The following KANK1 variants were observed in gnomAD, a reference collection of about 807,000 sequenced individuals.
KANK1 encodes the protein KN motif and ankyrin repeat domains 1, also known as KN motif and ankyrin repeat domain-containing protein 1.
KANK1 carries 109 observed loss-of-function variants against 106.2 expected under a neutral mutation model. The observed-to-expected ratio is 1.03, with a 90% CI of 0.88 to 1.20. The LOEUF (loss-of-function observed/expected upper bound fraction) is 1.20. Among genes scored for constraint, KANK1 ranks in the 50% most tolerant of loss-of-function variants. The probability of loss-of-function intolerance (pLI) is 0.00; values close to 1 mark genes in which losing one functional copy is unlikely to be tolerated. For synonymous variants in KANK1, 873 were observed against 652.2 expected, an observed-to-expected ratio of 1.34 and a Z score of -5.16; for missense variants, 2,399 against 1,710.7, an observed-to-expected ratio of 1.40 and a Z score of -7.10.
At position 528,150 on chromosome 9, in the gene KANK1, A is replaced by C. The variant is rs1587529096; in HGVS notation, c.-84+23396A>C. On this transcript the variant is annotated intron_variant, in intron 1 of 11. Coordinates refer to ENST00000382297, the MANE Select transcript of KANK1 (RefSeq NM_015158.5). ...AGACTCCGTCTCGGGAAAAAAAAAAAAAAAACTTTTTAGGATTTTTCTTTT... is the reference window on the plus strand; with the variant it reads ...AGACTCCGTCTCGGGAAAAAAAAAACAAAAACTTTTTAGGATTTTTCTTTT... Among the ~76,000 whole-genome samples, 6 of 152,118 alleles carry C rather than the reference A, an allele frequency of 3.9e-5. No individual in the cohort carries two copies. The South Asian group carries it at 1.2e-3, about 32-fold the overall frequency.
chr9:487,470 A>G lies in KANK1; in HGVS notation c.-362+14197A>G, dbSNP rs1236773338. On this transcript the variant is annotated intron_variant, in intron 3 of 15. Transcript: ENST00000382303. ...GATGTAAGTGCATTTTCAACTCACA[A>G]TGTTTTCCATTTACAGTGGGTTCAT... Among the ~76,000 whole-genome samples, 5 of 152,300 alleles carry G rather than the reference A, an allele frequency of 3.3e-5. No homozygotes were observed. In the South Asian group the frequency reaches 8.3e-4, roughly 25 times the overall value.
At chr9:684,376 C>A in intron 2 of KANK1, 1 of 985,230 alleles carries the variant, frequency 1.0e-6, no homozygotes, top group African/African-American at 1.7e-5. Context: ...TGCCTGGTAC[C>A]AACTTTATAG....
intron 1 of KANK1, among the ~76,000 whole-genome samples, chr9:585,586 T>C (rs535645726): frequency 7.9e-5 from 12 of 152,322 alleles, no homozygotes; most frequent in Admixed American, 2.0e-4. Context: ...CACACTGAAG[T>C]AAAAAGCTTA....
Position 527,082 on chromosome 9 carries a change from A to G in KANK1, c.-84+22328A>G, listed in dbSNP as rs1397433009. On this transcript the variant is annotated intron_variant, in intron 1 of 11. Transcript: ENST00000382297. ...ATTGTTTTGAGTGCTTGTTTTAAGT[A>G]CCTGTCACTGACTCATTCCCAAACT... Among the ~76,000 whole-genome samples the G allele has an allele frequency of 2.0e-5, 3 of 151,652 alleles. 1 individual carries two copies. The highest frequency in any genetic ancestry group is 7.3e-5 in the African/African-American group (3 of 41,006).
chr9:716,198 A>T (rs969864896), intron 3 of KANK1, among the ~76,000 whole-genome samples: 2 of 152,230 alleles, frequency 1.3e-5, no homozygotes, highest in African/African-American at 4.8e-5. Flanking sequence ...CTCTGAAGCT[A>T]GACAGTGTGG....
chr9:560,470 G>A (rs564384969), intron 1 of KANK1, among the ~76,000 whole-genome samples: 2 of 152,254 alleles, frequency 1.3e-5, no homozygotes, highest in Admixed American at 1.3e-4. Context: ...GAGGGTTGAG[G>A]GTACAGGAAT....
chr9:740,464 C>T (rs903084798), intron 8 of KANK1, among the ~76,000 whole-genome samples: 1 of 152,140 alleles, frequency 6.6e-6, no homozygotes, highest in Non-Finnish European at 1.5e-5. Context: ...GCCTAGATTC[C>T]AAAAATCGTT....
At chr9:478,132 A>C (rs749008129) in intron 3 of KANK1, 1 of 211,810 alleles carries the variant, frequency 4.7e-6, no homozygotes, top group Non-Finnish European at 9.5e-6. Flanking sequence ...GACAGAAAGA[A>C]GCAAAACAAT....
At chr9:684,108 C>A (rs1173704625) in intron 2 of KANK1, 3 of 950,384 alleles carry the variant, frequency 3.2e-6, no homozygotes, top group Non-Finnish European at 3.8e-6. Flanking sequence ...CTCATCAGAG[C>A]TTGCTTGTTT....
intron 1 of KANK1, among the ~76,000 whole-genome samples, chr9:605,967 T>C (rs1457402558): frequency 6.6e-6 from 1 of 151,704 alleles, no homozygotes. Context: ...CCCTTCCCAT[T>C]AGAATAGGTG....
At chr9:700,482 C>G (rs1027154539) in intron 2 of KANK1, among the ~76,000 whole-genome samples, 1 of 152,204 alleles carries the variant, frequency 6.6e-6, no homozygotes, top group African/African-American at 2.4e-5. Flanking sequence ...CTTAATTACT[C>G]TCATACTCTG....
chr9:648,562 A>G (rs1588559386), intron 1 of KANK1, among the ~76,000 whole-genome samples: 1 of 152,200 alleles, frequency 6.6e-6, no homozygotes, highest in Non-Finnish European at 1.5e-5. Flanking sequence ...CGAGGCTCTC[A>G]GAAAATTAAA....
chr9:553,340 G>T (rs999553961), intron 1 of KANK1, among the ~76,000 whole-genome samples: 1 of 152,148 alleles, frequency 6.6e-6, no homozygotes, highest in Non-Finnish European at 1.5e-5. Flanking sequence ...GGGCTACTTT[G>T]TGCCAGGCAA....
intron 1 of KANK1, among the ~76,000 whole-genome samples, chr9:572,603 C>G (rs528206172): frequency 1.6e-4 from 24 of 152,082 alleles, no homozygotes; most frequent in African/African-American, 5.5e-4. Context: ...GTTGCCCAGG[C>G]TGGTCTTGAA....
chr9:503,649 T>A (rs749948700), upstream of KANK1, among the ~76,000 whole-genome samples: 1 of 152,188 alleles, frequency 6.6e-6, no homozygotes, highest in Non-Finnish European at 1.5e-5. Flanking sequence ...CTCTCTCCCT[T>A]AAGAAAATCA....
rs759242024 is a variant in KANK1, at chr9:712,263, A to G, written c.1497A>G (p.Lys499=). Residue 499 remains lysine (K), a synonymous_variant, in exon 3 of 12, where the codon AAA becomes AAG. Transcript: ENST00000382297. ...KQELQAAGSR[K]KVDKATMAQP... is the part of the protein sequence containing the mutation. The stretch of plus-strand genomic sequence containing the variant: ...AGCTGCAGGCTGCTGGATCGAGGAA[A>G]AAGGTTGACAAAGCCACGATGGCCC... The G allele has an allele frequency of 1.2e-6, 2 of 1,614,206 alleles. No individual in the cohort carries two copies. Among genetic ancestry groups the G allele is most frequent in the Non-Finnish European group, 1.7e-6 (2 of 1,180,032 alleles).
chr9:677,065 T>A, intron 2 of KANK1, 56 bp downstream of exon 2: 1 of 1,495,116 alleles, frequency 6.7e-7, no homozygotes, highest in Non-Finnish European at 9.3e-7. Context: ...TCAAACTAAT[T>A]TTTTATTCTC....
intron 1 of KANK1, among the ~76,000 whole-genome samples, chr9:636,877 A>G (rs913101525): frequency 6.6e-6 from 1 of 152,206 alleles, no homozygotes; most frequent in Admixed American, 6.5e-5. Flanking sequence ...ATAAAAACAT[A>G]AACAAAACAG....
Position 684,409 on chromosome 9 carries a change from A to G in KANK1, c.37+7400A>G, listed in dbSNP as rs1285853409. On this transcript the variant is annotated intron_variant, in intron 2 of 11. Coordinates refer to ENST00000382297, the MANE Select transcript of KANK1 (RefSeq NM_015158.5). ...TAGGTGCCAACAAGAAAGAAAGAAA[A>G]AAACACATACAAAATAAACACCCAA... is the stretch of plus-strand genomic sequence containing the variant. The G allele has an allele frequency of 3.3e-5, 33 of 985,282 alleles. No homozygotes were observed. In the South Asian group the frequency reaches 1.0e-3, roughly 31 times the overall value. The allele number at this position is 985,282 out of a possible 1,614,324, so 61.0% of individuals were successfully genotyped here. A position where few individuals can be genotyped will look rare whatever the true frequency, so the allele number is the denominator to read the frequency against.
Sources: gnomAD v4.1 joint callset for allele counts (sites outside exome capture counted in the v4.1 genomes callset) on GRCh38, gnomAD v4.1.1 for gene constraint, MANE v1.5 for transcripts, NCBI Gene and HGNC (gene_info 2026-07-23, HGNC 2026-07-21) for gene names.